The following STRN variants were observed in gnomAD, a reference collection of about 807,000 sequenced individuals.
STRN encodes protein phosphatase 2 regulatory subunit B'''alpha.
A neutral mutation model predicts 96.3 loss-of-function variants in STRN; 53 were observed. The ratio of observed to expected loss-of-function variants is 0.55; its 90% CI spans 0.44 to 0.69. The LOEUF (loss-of-function observed/expected upper bound fraction) is 0.69, where lower values mean the gene tolerates loss of function less well. Among genes scored for constraint, STRN ranks in the 30% least tolerant of loss-of-function variants. STRN has a pLI of 0.00. For synonymous variants in STRN, 428 were observed against 355.9 expected, an observed-to-expected ratio of 1.20 and a Z score of -2.28; for missense variants, 987 against 963.9, an observed-to-expected ratio of 1.02 and a Z score of -0.32.
chr2:36,928,373 C>T (rs1670472984), intron 1 of STRN, among the ~76,000 whole-genome samples: 1 of 152,082 alleles, frequency 6.6e-6, no homozygotes, highest in African/African-American at 2.4e-5. Context: ...GAAAATAGGT[C>T]GGACACAGTG....
At position 36,846,572 on chromosome 2, in the gene STRN, T is replaced by C. The variant is rs1668083846; in HGVS notation, c.*2884A>G. The C allele has an allele frequency of 6.6e-6, 1 of 150,438 alleles. No homozygotes were observed. Among genetic ancestry groups the C allele is most frequent in the South Asian group, 2.1e-4 (1 of 4,782 alleles). 9.3% of individuals were successfully genotyped at this position (150,438 alleles called of 1,614,324 possible). ...GAATACTGAAGGAATGAAAGTCAGA[T>C]TAAAAAAAAAATTTCTCACAAAGTT... On this transcript the variant is annotated 3_prime_UTR_variant, in exon 18 of 18. Transcript: ENST00000263918.
chr2:36,878,346 T>G (rs1305136183), intron 9 of STRN, among the ~76,000 whole-genome samples: 1 of 152,232 alleles, frequency 6.6e-6, no homozygotes, highest in Non-Finnish European at 1.5e-5. Flanking sequence ...ATATTTCATG[T>G]TAATTACCTA....
chr2:36,879,733 A>C (rs1373088124), intron 9 of STRN, among the ~76,000 whole-genome samples: 2 of 152,202 alleles, frequency 1.3e-5, no homozygotes, highest in Non-Finnish European at 2.9e-5. Flanking sequence ...GGGGTAAATT[A>C]ATTTTCTTAA....
At chr2:36,878,048 A>G (rs767143250) in intron 9 of STRN, 21 bp from the exon 10 acceptor site, 22 of 1,610,484 alleles carry the variant, frequency 1.4e-5, no homozygotes, top group Non-Finnish European at 1.7e-5. Flanking sequence ...AAGACAAAGG[A>G]AACATTAAAA....
At chr2:36,964,175 C>A (rs1051675126) in intron 1 of STRN, among the ~76,000 whole-genome samples, 3 of 67,248 alleles carry the variant, frequency 4.5e-5, no homozygotes, top group Non-Finnish European at 5.1e-5. Context: ...AGGGAGTGAA[C>A]GGGGCGGGGC....
rs1197554759 is a variant in STRN, at chr2:36,839,176, T to A, written c.*10280A>T. On this transcript the variant is annotated 3_prime_UTR_variant, in exon 18 of 18. Transcript: ENST00000263918. The stretch of plus-strand genomic sequence containing the variant: ...ATCTTTATGCATTGTTTTTTGCATT[T>A]AAATTCATTTCTGTCACTTTCTTAA... Among the ~76,000 whole-genome samples, 1 of 152,228 alleles carries A rather than the reference T, an allele frequency of 6.6e-6. No individual in the cohort carries two copies. The highest frequency in any genetic ancestry group is 1.5e-5 in the Non-Finnish European group (1 of 68,032).
chr2:36,949,076 C>G (rs1184398385), intron 1 of STRN, among the ~76,000 whole-genome samples: 1 of 152,182 alleles, frequency 6.6e-6, no homozygotes, highest in Non-Finnish European at 1.5e-5. Flanking sequence ...TTTGGCTGTA[C>G]CTTCTCTACG....
chr2:36,891,522 C>CA (rs66993681), intron 7 of STRN, among the ~76,000 whole-genome samples: 63,102 of 149,042 alleles, frequency 0.42, 15,360 homozygotes, highest in Admixed American at 0.56. Context: ...GAGACTCTGT[C>CA]AAAAAAAAAA....
Position 36,849,193 on chromosome 2 carries a change from C to G in STRN, c.*263G>C. On this transcript the variant is annotated 3_prime_UTR_variant, in exon 18 of 18. Coordinates refer to ENST00000263918, the MANE Select transcript of STRN (RefSeq NM_003162.4). ...AGGCCTGCCTAGCGAATTAGAACCA[C>G]CTCAGAAATAAAGGCGCCTATTGGG... is the stretch of plus-strand genomic sequence containing the variant. The G allele has an allele frequency of 2.4e-6, 1 of 414,956 alleles. No individual in the cohort carries two copies. Among genetic ancestry groups the G allele is most frequent in the Non-Finnish European group, 4.3e-6 (1 of 231,310 alleles). The allele number at this position is 414,956 out of a possible 1,614,324, so 25.7% of individuals were successfully genotyped here. A position where few individuals can be genotyped will look rare whatever the true frequency, so the allele number is the denominator to read the frequency against.
At chr2:36,949,463 T>C (rs1028631648) in intron 1 of STRN, among the ~76,000 whole-genome samples, 4 of 152,204 alleles carry the variant, frequency 2.6e-5, no homozygotes, top group Admixed American at 6.5e-5. Flanking sequence ...GAGGCAATAC[T>C]ATGTAAACTA....
chr2:36,966,173 G>C, intron 1 of STRN, 57 bp downstream of exon 1: 1 of 1,428,782 alleles, frequency 7.0e-7, no homozygotes. Context: ...GGTCCGGGGC[G>C]GGGCGGAAGG....
intron 7 of STRN, 128 bp downstream of exon 7, chr2:36,893,770 G>A (rs774495656): frequency 8.2e-6 from 9 of 1,102,900 alleles, no homozygotes; most frequent in Non-Finnish European, 1.1e-5. Flanking sequence ...GATAAAGGGT[G>A]CTAGTAGTAA....
At chr2:36,929,876 A>G (rs1054904334) in intron 1 of STRN, among the ~76,000 whole-genome samples, 1 of 152,200 alleles carries the variant, frequency 6.6e-6, no homozygotes, top group Admixed American at 6.5e-5. Context: ...AAAATAAAAT[A>G]TTATAAAGCT....
At chr2:36,852,740 T>C (rs1668251063) in intron 15 of STRN, among the ~76,000 whole-genome samples, 1 of 152,206 alleles carries the variant, frequency 6.6e-6, no homozygotes, top group African/African-American at 2.4e-5. Context: ...TAATAGAAAA[T>C]ACAGCTAAAA....
At chr2:36,863,649 TTC>T (rs1668549941) in intron 12 of STRN, among the ~76,000 whole-genome samples, 2 of 152,236 alleles carry the variant, frequency 1.3e-5, no homozygotes, top group South Asian at 4.1e-4. Flanking sequence ...GCCTTGGCTC[TTC>T]GGGTTTCCAT....
intron 1 of STRN, among the ~76,000 whole-genome samples, chr2:36,927,488 G>A (rs1264506272): frequency 7.6e-6 from 1 of 130,754 alleles, no homozygotes; most frequent in Non-Finnish European, 1.6e-5. Context: ...TAACATGGGT[G>A]ACAGAGTGAG....
intron 2 of STRN, among the ~76,000 whole-genome samples, chr2:36,920,408 G>T (rs894243716): frequency 6.6e-6 from 1 of 152,108 alleles, no homozygotes; most frequent in Non-Finnish European, 1.5e-5. Flanking sequence ...GGAGGCCGAG[G>T]TGGGCAGATC....
At position 36,842,742 on chromosome 2, in the gene STRN, A is replaced by G. The variant is rs2717510; in HGVS notation, c.*6714T>C. ...TGTTTGGTGGGTTTTGAATCATTTG[A>G]TATACAAAACTTACTGAGTTAAAAT... On this transcript the variant is annotated 3_prime_UTR_variant, in exon 18 of 18. Coordinates refer to ENST00000263918, the MANE Select transcript of STRN (RefSeq NM_003162.4). Among the ~76,000 whole-genome samples, 128,954 of 152,098 alleles carry G rather than the reference A, an allele frequency of 0.85. 56,870 individuals carry two copies. Among genetic ancestry groups the G allele is most frequent in the Non-Finnish European group, 0.96 (65,497 of 68,022 alleles).
chr2:36,966,373 C>T lies in STRN; in HGVS notation c.91G>A (p.Ala31Thr). The T allele has an allele frequency of 2.1e-6, 3 of 1,460,348 alleles. No individual in the cohort carries two copies. The highest frequency in any genetic ancestry group is 2.7e-6 in the Non-Finnish European group (3 of 1,108,604). 90.5% of individuals were successfully genotyped at this position (1,460,348 alleles called of 1,614,324 possible). Residue 31 changes from alanine to threonine, a missense_variant, in exon 1 of 18, where the codon GCC becomes ACC. Transcript: ENST00000263918. ...GCAGCCGCCCCGTCGCCGGCCGCGG[C>T]AGCCTCCGCCAGAGGCCCGAGCCCC... ...AKGLGPLAEA[A>T]AAGDGAAAAG...
Sources: allele counts gnomAD v4.1 joint callset (sites outside exome capture counted in the v4.1 genomes callset), GRCh38; gene constraint gnomAD v4.1.1; transcripts MANE v1.5; gene names NCBI Gene and HGNC (gene_info 2026-07-23, HGNC 2026-07-21).